The following UNK variants were observed in gnomAD, a reference collection of about 807,000 sequenced individuals.
The protein encoded by UNK is RING finger protein unkempt homolog.
Under a neutral mutation model 97.6 loss-of-function variants are expected in UNK, and 32 were observed. The observed-to-expected ratio is 0.33, with a 90% CI of 0.25 to 0.44. The LOEUF (loss-of-function observed/expected upper bound fraction) is 0.44. Among genes scored for constraint, UNK ranks in the 20% least tolerant of loss-of-function variants. The pLI is 1.00. For missense variants in UNK, 771 were observed against 1,098.4 expected (o/e 0.70, Z 4.21); for synonymous variants, 441 against 461.2 (o/e 0.96, Z 0.56).
intron 3 of UNK, 40 bp from the exon 4 acceptor site, chr17:75,812,415 G>GC: frequency 6.3e-7 from 1 of 1,595,130 alleles, no homozygotes. Flanking sequence ...GCCCCCTCAT[G>GC]CCCCCTCTCC....
At chr17:75,801,838 C>T (rs1599369255) in intron 1 of UNK, among the ~76,000 whole-genome samples, 1 of 98,898 alleles carries the variant, frequency 1.0e-5, no homozygotes, top group South Asian at 3.6e-4. Context: ...CCACTGCACC[C>T]GGCTCCCCCC....
chr17:75,795,706 ACT>A (rs1218609108), intron 1 of UNK, among the ~76,000 whole-genome samples: 1 of 152,004 alleles, frequency 6.6e-6, no homozygotes, highest in African/African-American at 2.4e-5. Flanking sequence ...GGTTTGTAGT[ACT>A]CTCGAATATT....
At chr17:75,786,231 C>T (rs1449327732) in intron 1 of UNK, among the ~76,000 whole-genome samples, 1 of 152,144 alleles carries the variant, frequency 6.6e-6, no homozygotes, top group South Asian at 2.1e-4. Context: ...CGCAGTCTTT[C>T]CATTGATTTT....
In UNK at chr17:75,819,736, G is replaced by A; in HGVS notation, c.1599G>A (p.Glu533=). 6 of 1,613,894 alleles carry A rather than the reference G, an allele frequency of 3.7e-6. No homozygotes were observed. Among genetic ancestry groups the A allele is most frequent in the Non-Finnish European group, 4.2e-6 (5 of 1,179,892 alleles). Residue 533 remains glutamate (E), a synonymous_variant, in exon 12 of 16, where the codon GAG becomes GAA. Transcript: ENST00000589666. The surrounding 1 kb of genome is among the most constrained non-coding windows in gnomAD (Gnocchi z 5.4). ...DLNEFGVAAL[E]KTFDNSTVPH... ...ATGAGTTTGGCGTGGCCGCCCTGGA[G>A]AAGACTTTCGATAACAGCACAGTGC...
intron 1 of UNK, among the ~76,000 whole-genome samples, chr17:75,798,275 T>TTGG (rs1335379943): frequency 6.6e-6 from 1 of 152,150 alleles, no homozygotes; most frequent in Admixed American, 6.5e-5. Context: ...TTTCGCCACG[T>TTGG]TGGCCAGGCT....
intron 1 of UNK, chr17:75,794,047 T>C: frequency 1.0e-6 from 1 of 985,276 alleles, no homozygotes; most frequent in South Asian, 4.7e-5. Flanking sequence ...TTTGTGTGAA[T>C]CAGACCATCT....
intron 1 of UNK, chr17:75,785,226 C>G (rs898434534): frequency 6.7e-5 from 33 of 490,362 alleles, no homozygotes; most frequent in Non-Finnish European, 2.5e-5. Flanking sequence ...GGCGGGAGCT[C>G]GGGATGCAGA....
intron 1 of UNK, among the ~76,000 whole-genome samples, chr17:75,799,714 T>C (rs945601083): frequency 2.1e-4 from 32 of 152,114 alleles, no homozygotes; most frequent in African/African-American, 7.5e-4. Flanking sequence ...AGTATTCACA[T>C]AGTGCAGTAG....
Position 75,812,497 on chromosome 17 carries a change from G to C in UNK, c.534G>C (p.Thr178=). 2 of 1,612,544 alleles carry C rather than the reference G, an allele frequency of 1.2e-6. No homozygotes were observed. The highest frequency in any genetic ancestry group is 2.2e-5 in the South Asian group (2 of 90,956). Reference sequence around the variant, plus strand: ...AGGCCTTGCAGAATGGCCAGACCACGGTAGAGGGGAGCATAGAGGGCCAGT... The same window carrying C: ...AGGCCTTGCAGAATGGCCAGACCACCGTAGAGGGGAGCATAGAGGGCCAGT... The part of the protein sequence containing the change: ...AMEALQNGQT[T]VEGSIEGQSA... Residue 178 remains threonine (T), a synonymous_variant, in exon 4 of 16, where the codon ACG becomes ACC. Coordinates refer to ENST00000589666, the MANE Select transcript of UNK (RefSeq NM_001080419.3).
At chr17:75,793,276 G>T (rs1286223839) in intron 1 of UNK, among the ~76,000 whole-genome samples, 1 of 152,138 alleles carries the variant, frequency 6.6e-6, no homozygotes, top group Non-Finnish European at 1.5e-5. Flanking sequence ...TTCAGGTATC[G>T]TGAGTGTTTT....
In UNK at chr17:75,784,934, C is replaced by A; in HGVS notation, c.54C>A (p.Ala18=). The part of the protein sequence containing the change: ...GGSAASSAPP[A]ATAQVLQAQP... ...CCGCAGCTTCCTCGGCGCCCCCGGC[C>A]GCTACCGCTCAGGTGCTGCAGGCAC... The change falls in exon 1 of 16, where the codon GCC becomes GCA. Residue 18 remains alanine, a synonymous_variant. Coordinates refer to ENST00000589666, the MANE Select transcript of UNK (RefSeq NM_001080419.3). 6.4e-7 allele frequency: 1 copy of A among 1,552,764 alleles called. No individual in the cohort carries two copies. Among genetic ancestry groups the A allele is most frequent in the Non-Finnish European group, 8.7e-7 (1 of 1,152,068 alleles).
At chr17:75,823,556 C>T in intron 15 of UNK, 34 bp downstream of exon 15, 1 of 1,501,138 alleles carries the variant, frequency 6.7e-7, no homozygotes, top group Non-Finnish European at 8.9e-7. Flanking sequence ...GGGTGGGATG[C>T]ACGGTGGCCT....
intron 1 of UNK, among the ~76,000 whole-genome samples, chr17:75,797,369 G>A (rs1196518181): frequency 6.6e-6 from 1 of 152,188 alleles, no homozygotes; most frequent in Non-Finnish European, 1.5e-5. Flanking sequence ...CAAGCAGCTG[G>A]GACTACAGGC....
At position 75,816,859 on chromosome 17, in the gene UNK, G is replaced by A. The variant is rs1264639969; in HGVS notation, c.1051G>A (p.Gly351Arg). The change falls in exon 8 of 16, where the codon GGA (glycine) becomes AGA (arginine). Residue 351 changes from glycine to arginine, a missense_variant. Coordinates refer to ENST00000589666, the MANE Select transcript of UNK (RefSeq NM_001080419.3). This position sits in a 1 kb window ranked among gnomAD's most constrained non-coding sequence, Gnocchi z 4.0. Reference protein sequence around the residue: ...GPVLYMPSAAGDSVPVSPSSP... With the variant: ...GPVLYMPSAARDSVPVSPSSP... ...TGTCCTGTACATGCCATCTGCCGCC[G>A]GAGACTCGGTGCCTGTGAGCCCCTC... is the stretch of plus-strand genomic sequence containing the variant. 19 of 1,607,136 alleles carry A rather than the reference G, an allele frequency of 1.2e-5. No individual in the cohort carries two copies. The highest frequency in any genetic ancestry group is 1.4e-5 in the Non-Finnish European group (17 of 1,179,202).
At chr17:75,786,948 T>G (rs866896077) in intron 1 of UNK, among the ~76,000 whole-genome samples, 5 of 152,310 alleles carry the variant, frequency 3.3e-5, no homozygotes, top group Middle Eastern at 3.4e-3. Context: ...TGAGGTGTCT[T>G]AGGAAATCAA....
At chr17:75,823,237 G>A in intron 14 of UNK, 28 bp from the exon 15 acceptor site, 1 of 1,568,202 alleles carries the variant, frequency 6.4e-7, no homozygotes, top group South Asian at 1.1e-5. Context: ...CAGGGCCATT[G>A]TGATGAGACT....
intron 1 of UNK, among the ~76,000 whole-genome samples, chr17:75,791,193 G>A (rs368086214): frequency 6.6e-6 from 1 of 152,302 alleles, no homozygotes; most frequent in African/African-American, 2.4e-5. Context: ...TAGGTCGACA[G>A]AGAATAAATA....
chr17:75,812,941 C>T (rs1335195465), intron 4 of UNK, 137 bp from the exon 5 acceptor site: 4 of 1,253,332 alleles, frequency 3.2e-6, no homozygotes, highest in Non-Finnish European at 4.3e-6. Context: ...GGAGGAGGGG[C>T]CCTACTCACA....
At chr17:75,810,057 C>G in intron 2 of UNK, 88 bp downstream of exon 2, 1 of 1,508,216 alleles carries the variant, frequency 6.6e-7, no homozygotes. Context: ...TTCTGGGAAG[C>G]CATCCAGAGG....
Sources: gnomAD v4.1 joint callset for allele counts (sites outside exome capture counted in the v4.1 genomes callset) on GRCh38, gnomAD v4.1.1 for gene constraint, Gnocchi (gnomAD v3.1) non-coding constraint, MANE v1.5 for transcripts, NCBI Gene and HGNC (gene_info 2026-07-23, HGNC 2026-07-21) for gene names.